Variants in DOCK4 observed in about 807,000 individuals in gnomAD.
DOCK4 encodes dedicator of cytokinesis 4, also known as dedicator of cytokinesis protein 4.
Under a neutral mutation model 268.1 loss-of-function variants are expected in DOCK4, and 97 were observed. That is an observed-to-expected ratio of 0.36 (90% CI 0.31 to 0.43). The LOEUF is 0.43. DOCK4 is among the 20% of genes least tolerant of loss of function. DOCK4 has a pLI of 1.00. For missense variants in DOCK4, 2,145 were observed against 2,455.7 expected (o/e 0.87, Z 2.67); for synonymous variants, 954 against 887.2 (o/e 1.08, Z -1.34).
intron 8 of DOCK4, 137 bp downstream of exon 8, chr7:111,976,995 C>G: frequency 9.9e-7 from 1 of 1,009,974 alleles, no homozygotes; most frequent in Non-Finnish European, 1.4e-6. Flanking sequence ...AGCTTAGAAA[C>G]TCAGAGTTCT....
At chr7:112,109,934 C>T (rs566174578) in intron 1 of DOCK4, among the ~76,000 whole-genome samples, 5 of 147,158 alleles carry the variant, frequency 3.4e-5, no homozygotes, top group East Asian at 2.0e-4. Flanking sequence ...TTTTAGGAGA[C>T]GGGGTTTCAC....
At chr7:112,025,411 C>G (rs1802696399) in intron 1 of DOCK4, among the ~76,000 whole-genome samples, 1 of 152,134 alleles carries the variant, frequency 6.6e-6, no homozygotes, top group African/African-American at 2.4e-5. Flanking sequence ...TGCATCTGAG[C>G]TATTTTAGCA....
chr7:112,066,535 T>C (rs904633842), intron 1 of DOCK4, among the ~76,000 whole-genome samples: 1 of 143,812 alleles, frequency 7.0e-6, no homozygotes, highest in African/African-American at 2.9e-5. Flanking sequence ...CACACACATA[T>C]ATATACATAC....
At chr7:111,834,786 A>C in intron 25 of DOCK4, 100 bp from the exon 26 acceptor site, 1 of 766,896 alleles carries the variant, frequency 1.3e-6, no homozygotes, top group Non-Finnish European at 1.9e-6. Flanking sequence ...AATAGGTTAA[A>C]ATGAAATCAC....
At chr7:111,773,542 A>C (rs2133699549) in intron 36 of DOCK4, among the ~76,000 whole-genome samples, 1 of 152,338 alleles carries the variant, frequency 6.6e-6, no homozygotes, top group East Asian at 1.9e-4. Flanking sequence ...GAACTTTAAA[A>C]ATTTTCAAAA....
chr7:111,793,382 T>G (rs565455011), intron 30 of DOCK4, among the ~76,000 whole-genome samples: 2 of 152,250 alleles, frequency 1.3e-5, no homozygotes, highest in African/African-American at 2.4e-5. Context: ...AAGCAATGGT[T>G]TGAATTTTTA....
chr7:112,090,333 T>C (rs1274953844), intron 1 of DOCK4, among the ~76,000 whole-genome samples: 1 of 152,184 alleles, frequency 6.6e-6, no homozygotes, highest in Non-Finnish European at 1.5e-5. Flanking sequence ...TTAGACATTC[T>C]GTACAATATA....
intron 1 of DOCK4, among the ~76,000 whole-genome samples, chr7:112,014,581 TCA>T (rs1801646962): frequency 6.7e-6 from 1 of 148,646 alleles, no homozygotes; most frequent in African/African-American, 2.5e-5. Flanking sequence ...CTTCTACACC[TCA>T]CAGAGTTCTA....
intron 1 of DOCK4, among the ~76,000 whole-genome samples, chr7:112,124,815 G>A (rs1196242126): frequency 1.3e-5 from 2 of 152,146 alleles, no homozygotes; most frequent in African/African-American, 2.4e-5. Context: ...TATGTTTACT[G>A]ATACATTTCA....
At chr7:111,846,773 T>A (rs1334987887) in intron 24 of DOCK4, among the ~76,000 whole-genome samples, 1 of 152,204 alleles carries the variant, frequency 6.6e-6, no homozygotes, top group Non-Finnish European at 1.5e-5. Context: ...CAGTATGCAG[T>A]TCTTCCTTGA....
intron 1 of DOCK4, among the ~76,000 whole-genome samples, chr7:112,015,276 T>C (rs1172540041): frequency 1.3e-5 from 2 of 152,180 alleles, no homozygotes; most frequent in East Asian, 3.8e-4. Context: ...TATGGCAACA[T>C]CTGGAAGTTA....
chr7:111,829,820 T>C (rs1350375492), intron 26 of DOCK4, among the ~76,000 whole-genome samples: 2 of 152,208 alleles, frequency 1.3e-5, no homozygotes, highest in Non-Finnish European at 2.9e-5. Context: ...CCAAAATTAC[T>C]CTAAAAGTTT....
At chr7:112,148,616 T>C (rs1240845990) in intron 1 of DOCK4, among the ~76,000 whole-genome samples, 1 of 152,154 alleles carries the variant, frequency 6.6e-6, no homozygotes, top group Non-Finnish European at 1.5e-5. Flanking sequence ...GCTGTCTATA[T>C]TCATAATTGA....
At position 111,908,403 on chromosome 7, in the gene DOCK4, G is replaced by A. The variant is rs1010072898; in HGVS notation, c.1193-6602C>T. Among the ~76,000 whole-genome samples the A allele has an allele frequency of 1.1e-4, 17 of 151,854 alleles. 1 individual carries two copies. Among genetic ancestry groups the A allele is most frequent in the Admixed American group, 4.6e-4 (7 of 15,272 alleles). Reference sequence around the variant, plus strand: ...GCAGAGCTTGCAGTGAGCCGAGATCGTGCCACTGCACTCCAGCCTGGGCAA... The same window carrying A: ...GCAGAGCTTGCAGTGAGCCGAGATCATGCCACTGCACTCCAGCCTGGGCAA... On this transcript the variant is annotated intron_variant, in intron 13 of 52. Coordinates refer to ENST00000428084, the MANE Select transcript of DOCK4 (RefSeq NM_001363540.2).
intron 16 of DOCK4, among the ~76,000 whole-genome samples, 171 bp from the exon 17 acceptor site, chr7:111,877,357 A>G (rs1806987536): frequency 6.6e-6 from 1 of 152,234 alleles, no homozygotes; most frequent in African/African-American, 2.4e-5. Context: ...ATAATTAAGC[A>G]TAGATTTTTG....
chr7:111,791,057 CAA>C (rs1167180937), intron 30 of DOCK4, among the ~76,000 whole-genome samples: 31 of 62,792 alleles, frequency 4.9e-4, no homozygotes, highest in African/African-American at 2.2e-3. Context: ...GACTCTGTCT[CAA>C]AAAAAAAAAA....
At position 112,184,065 on chromosome 7, in the gene DOCK4, C is replaced by T. The variant is rs536147284; in HGVS notation, c.37+22037G>A. 3.1e-3 allele frequency among the ~76,000 whole-genome samples: 466 copies of T among 152,314 alleles called. 3 individuals are homozygous for T. The highest frequency in any genetic ancestry group is 5.3e-3 in the Non-Finnish European group (363 of 68,026). ...CCATTATCAGTGACCCTTTCTCTGA[C>T]TTCTCCACACAGGTTTGAGTTCTTT... On this transcript the variant is annotated intron_variant, in intron 1 of 52. Transcript: ENST00000428084.
intron 1 of DOCK4, among the ~76,000 whole-genome samples, chr7:112,068,752 T>C (rs769175400): frequency 2.6e-5 from 4 of 152,152 alleles, no homozygotes; most frequent in Non-Finnish European, 5.9e-5. Flanking sequence ...GCACCTCTTG[T>C]AGGCTCTGTA....
intron 13 of DOCK4, among the ~76,000 whole-genome samples, chr7:111,912,712 GAC>G (rs1164289148): frequency 6.6e-6 from 1 of 152,034 alleles, no homozygotes. Flanking sequence ...AAGAGGTCCA[GAC>G]ACACACAAAG....
Sources: gnomAD v4.1 joint callset for allele counts (sites outside exome capture counted in the v4.1 genomes callset) on GRCh38, gnomAD v4.1.1 for gene constraint, MANE v1.5 for transcripts, NCBI Gene and HGNC (gene_info 2026-07-23, HGNC 2026-07-21) for gene names.